Variants in PARVA observed in about 807,000 individuals in gnomAD.
PARVA encodes the protein alpha-parvin.
A neutral mutation model predicts 52.6 loss-of-function variants in PARVA; 25 were observed. The ratio of observed to expected loss-of-function variants is 0.48; its 90% CI spans 0.35 to 0.66. The LOEUF (loss-of-function observed/expected upper bound fraction) is 0.66, where lower values mean the gene tolerates loss of function less well. Among genes scored for constraint, PARVA ranks in the 30% least tolerant of loss-of-function variants. PARVA has a pLI of 0.01. For missense variants in PARVA, 373 were observed against 450.9 expected, an observed-to-expected ratio of 0.83 and a Z score of 1.56; for synonymous variants, 185 against 179.1, an observed-to-expected ratio of 1.03 and a Z score of -0.26.
At chr11:12,516,396 C>G (rs192445420) in intron 10 of PARVA, among the ~76,000 whole-genome samples, 179 of 152,266 alleles carry the variant, frequency 1.2e-3, no homozygotes, top group African/African-American at 3.7e-3. Context: ...GGCCATCCCC[C>G]CTACCTGGAA....
In PARVA at chr11:12,520,651, G is replaced by A. The variant is rs145506815; in HGVS notation, c.1042+2134G>A. On this transcript the variant is annotated intron_variant, in intron 12 of 12. Coordinates refer to ENST00000334956, the MANE Select transcript of PARVA (RefSeq NM_018222.5). ...GGTTAGCATCAAGTTCCTAACCAGTGGAGCAGTCGAAATAATGGCCAGGCA... is the reference window on the plus strand; with the variant it reads ...GGTTAGCATCAAGTTCCTAACCAGTAGAGCAGTCGAAATAATGGCCAGGCA... Among the ~76,000 whole-genome samples, 21 of 152,250 alleles carry A rather than the reference G, an allele frequency of 1.4e-4. No individual in the cohort carries two copies. The East Asian group carries it at 4.1e-3, about 29-fold the overall frequency.
intron 5 of PARVA, among the ~76,000 whole-genome samples, chr11:12,502,732 C>T (rs1048177756): frequency 6.6e-6 from 1 of 151,528 alleles, no homozygotes; most frequent in Non-Finnish European, 1.5e-5. Flanking sequence ...GAAAAGATGG[C>T]AGATTTTTAT....
intron 1 of PARVA, among the ~76,000 whole-genome samples, chr11:12,412,504 G>A (rs1471340822): frequency 4.6e-5 from 7 of 152,332 alleles, no homozygotes; most frequent in East Asian, 1.9e-4. Flanking sequence ...AGCCCAGGCC[G>A]AGAGGAAGGC....
intron 1 of PARVA, among the ~76,000 whole-genome samples, chr11:12,406,962 G>C (rs1283918771): frequency 6.6e-6 from 1 of 152,088 alleles, no homozygotes; most frequent in Non-Finnish European, 1.5e-5. Flanking sequence ...GAGCCACCGT[G>C]CCTGGCCTGT....
chr11:12,509,999 T>C (rs771555510), intron 7 of PARVA, among the ~76,000 whole-genome samples: 28 of 152,346 alleles, frequency 1.8e-4, no homozygotes, highest in Non-Finnish European at 3.5e-4. Flanking sequence ...TTTCAGATTA[T>C]TGAACAATCT....
chr11:12,431,447 A>G (rs896901850), intron 1 of PARVA, among the ~76,000 whole-genome samples: 3 of 152,224 alleles, frequency 2.0e-5, no homozygotes. Context: ...TGGTTTTTCA[A>G]TAGAGAAGAA....
At chr11:12,418,200 G>T (rs985172510) in intron 1 of PARVA, among the ~76,000 whole-genome samples, 4 of 152,240 alleles carry the variant, frequency 2.6e-5, no homozygotes, top group African/African-American at 4.8e-5. Flanking sequence ...GTGGAAGTGG[G>T]TCATTGGAGC....
At chr11:12,412,607 G>C (rs1415423491) in intron 1 of PARVA, among the ~76,000 whole-genome samples, 2 of 152,122 alleles carry the variant, frequency 1.3e-5, no homozygotes, top group Non-Finnish European at 2.9e-5. Context: ...GATGTGCCAG[G>C]CTCTGTAGCA....
chr11:12,509,317 A>G (rs1268997090), intron 7 of PARVA, among the ~76,000 whole-genome samples: 1 of 152,162 alleles, frequency 6.6e-6, no homozygotes, highest in Non-Finnish European at 1.5e-5. Flanking sequence ...TAGTGCAAAG[A>G]GCAGAGGCTG....
At chr11:12,409,237 G>A (rs114625069) in intron 1 of PARVA, among the ~76,000 whole-genome samples, 1 of 152,150 alleles carries the variant, frequency 6.6e-6, no homozygotes, top group Admixed American at 6.5e-5. Context: ...TGGTGTGCCT[G>A]GTACACAGAG....
At chr11:12,397,707 G>A (rs1208508423) in intron 1 of PARVA, among the ~76,000 whole-genome samples, 1 of 152,106 alleles carries the variant, frequency 6.6e-6, no homozygotes, top group African/African-American at 2.4e-5. Flanking sequence ...CAGGCTCCTA[G>A]CTTCAGCATG....
intron 5 of PARVA, among the ~76,000 whole-genome samples, chr11:12,497,651 G>A (rs6485780): frequency 0.034 from 5,223 of 152,186 alleles, 275 homozygotes; most frequent in African/African-American, 0.11. Context: ...GGCACAGGGC[G>A]TTCTTTGCCC....
At chr11:12,377,341 C>T (rs1416932936), upstream of PARVA, 1 of 1,127,510 alleles carries the variant, frequency 8.9e-7, no homozygotes, top group Non-Finnish European at 1.2e-6. Flanking sequence ...TCGACCGCTC[C>T]CAACCTGGGC....
At chr11:12,501,864 T>C (rs1245438720) in intron 5 of PARVA, among the ~76,000 whole-genome samples, 1 of 149,620 alleles carries the variant, frequency 6.7e-6, no homozygotes, top group Non-Finnish European at 1.5e-5. Context: ...ATGGAGATGG[T>C]GTACAATGTC....
chr11:12,451,842 G>A (rs899938544), intron 1 of PARVA, among the ~76,000 whole-genome samples: 1 of 152,150 alleles, frequency 6.6e-6, no homozygotes, highest in South Asian at 2.1e-4. Context: ...GTACCTTTTA[G>A]CCATTGGCTC....
chr11:12,533,786 C>A lies in PARVA; in HGVS notation c.*5861C>A, dbSNP rs1941801262. 6.7e-6 allele frequency among the ~76,000 whole-genome samples: 1 copy of A among 149,884 alleles called. No homozygotes were observed. The highest frequency in any genetic ancestry group is 2.5e-5 in the African/African-American group (1 of 40,044). ...CAGGTCATCATAAAGTCCTCATCCT[C>A]ATGGTCATCACATTGAGTAGGCGGA... On this transcript the variant is annotated 3_prime_UTR_variant, in exon 13 of 13. Coordinates refer to ENST00000334956, the MANE Select transcript of PARVA (RefSeq NM_018222.5).
intron 4 of PARVA, chr11:12,480,462 A>T (rs912076338): frequency 6.6e-6 from 1 of 152,128 alleles, no homozygotes; most frequent in Admixed American, 6.5e-5. Context: ...TCCAGCAGAC[A>T]TCTAGTCAGG....
intron 1 of PARVA, among the ~76,000 whole-genome samples, chr11:12,410,497 T>C (rs1460518663): frequency 3.9e-5 from 6 of 152,208 alleles, no homozygotes; most frequent in Non-Finnish European, 8.8e-5. Context: ...ATGCCTGTGG[T>C]TTGATTGGTT....
chr11:12,482,365 G>A (rs1005016722), intron 4 of PARVA, among the ~76,000 whole-genome samples: 31 of 151,616 alleles, frequency 2.0e-4, no homozygotes, highest in Non-Finnish European at 3.2e-4. Context: ...GGTGGCTCAC[G>A]CCTGTAATCC....
Sources: allele counts gnomAD v4.1 joint callset (sites outside exome capture counted in the v4.1 genomes callset), GRCh38; gene constraint gnomAD v4.1.1; transcripts MANE v1.5; gene names NCBI Gene and HGNC (gene_info 2026-07-23, HGNC 2026-07-21).